Variants in CHRNA2 observed in about 807,000 individuals in gnomAD.
CHRNA2 encodes neuronal acetylcholine receptor subunit alpha-2.
In CHRNA2, 40 loss-of-function variants were observed where a neutral mutation model predicts 45.5. That is an observed-to-expected ratio of 0.88 (90% CI 0.68 to 1.15). CHRNA2 has a LOEUF of 1.15. Among genes scored for constraint, CHRNA2 ranks in the 50% most tolerant of loss-of-function variants. CHRNA2 has a pLI of 0.00. For missense variants in CHRNA2, 655 were observed against 701.7 expected (o/e 0.93, Z 0.75); for synonymous variants, 301 against 296.7 (o/e 1.01, Z -0.15).
Position 27,469,816 on chromosome 8 carries a change from G to T in CHRNA2, c.239C>A (p.Thr80Asn). The T allele has an allele frequency of 6.2e-7, 1 of 1,614,228 alleles. No individual in the cohort carries two copies. The highest frequency in any genetic ancestry group is 1.1e-5 in the South Asian group (1 of 91,088). Residue 80 changes from threonine (T) to asparagine (N), a missense_variant, in exon 3 of 7, where the codon ACT (threonine) becomes AAT (asparagine). Thr to Asn is a moderately conservative substitution (Grantham distance 65, BLOSUM62 0). Coordinates refer to ENST00000407991, the MANE Select transcript of CHRNA2 (RefSeq NM_000742.4). Reference protein sequence around the residue: ...YNRWARPVPNTSDVVIVRFGL... With the variant: ...YNRWARPVPNNSDVVIVRFGL... The stretch of plus-strand genomic sequence containing the variant: ...AAAGCGCACAATCACCACGTCTGAA[G>T]TGTTGGGCACCGGGCGCGCCCAGCG...
Position 27,464,205 on chromosome 8 carries a change from G to A in CHRNA2, c.450-212C>T, listed in dbSNP as rs112600206. ...AATTACTACCTTTTTAAATACAAAAGGAGGAATTGTGAGGAATAGAAGGAA... is the reference window on the plus strand; with the variant it reads ...AATTACTACCTTTTTAAATACAAAAAGAGGAATTGTGAGGAATAGAAGGAA... On this transcript the variant is annotated intron_variant, in intron 5 of 6. Coordinates refer to ENST00000407991, the MANE Select transcript of CHRNA2 (RefSeq NM_000742.4). Among the ~76,000 whole-genome samples, 339 of 152,100 alleles carry A rather than the reference G, an allele frequency of 2.2e-3. 1 individual carries two copies. The highest frequency in any genetic ancestry group is 7.5e-3 in the African/African-American group (313 of 41,476).
intron 1 of CHRNA2, among the ~76,000 whole-genome samples, chr8:27,472,551 G>A (rs1812921260): frequency 6.6e-6 from 1 of 152,120 alleles, no homozygotes; most frequent in Non-Finnish European, 1.5e-5. Flanking sequence ...AACAGTTTGT[G>A]GTTTTTCCTA....
chr8:27,473,229 G>A (rs1338754110), intron 1 of CHRNA2, among the ~76,000 whole-genome samples: 8 of 152,088 alleles, frequency 5.3e-5, no homozygotes, highest in Non-Finnish European at 1.2e-4. Context: ...AAAGGCTCTC[G>A]GTACAGCTAG....
intron 1 of CHRNA2, 29 bp from the exon 2 acceptor site, chr8:27,471,223 G>T: frequency 1.5e-6 from 1 of 661,502 alleles, no homozygotes; most frequent in East Asian, 2.8e-5. Flanking sequence ...GGGCTCTTAG[G>T]GTCATGCATC....
At position 27,463,149 on chromosome 8, in the gene CHRNA2, AG is replaced by A. The variant is rs751842443; in HGVS notation, c.1293del (p.Ser432LeufsTer58). 34 of 1,602,480 alleles carry A rather than the reference AG, an allele frequency of 2.1e-5. No individual in the cohort carries two copies. Among genetic ancestry groups the A allele is most frequent in the Non-Finnish European group, 2.6e-5 (30 of 1,171,094 alleles). On this transcript the variant is annotated frameshift_variant, in exon 6 of 7. Transcript: ENST00000407991. LOFTEE classifies it high-confidence loss of function. The surrounding 1 kb of genome is among the most constrained non-coding windows in gnomAD (Gnocchi z 6.1). ...DRWACAGHVA[P>X]SVGTLCSHGH... The stretch of plus-strand genomic sequence containing the variant: ...CCGTGGCTGCAGAGGGTGCCCACAG[AG>A]GGGGCCACATGACCTGCACATGCCC...
intron 2 of CHRNA2, among the ~76,000 whole-genome samples, chr8:27,470,358 T>A (rs1396459180): frequency 6.6e-6 from 1 of 152,112 alleles, no homozygotes; most frequent in Non-Finnish European, 1.5e-5. Context: ...GGCATTGCAG[T>A]AAGCCTGGCC....
At chr8:27,470,866 C>T (rs1030262738) in intron 2 of CHRNA2, 120 bp downstream of exon 2, 10 of 1,008,676 alleles carry the variant, frequency 9.9e-6, no homozygotes, top group African/African-American at 8.0e-5. Context: ...TGGCTGATGG[C>T]CTCTGAAGTC....
chr8:27,473,526 C>T lies in CHRNA2; in HGVS notation c.-136-2332G>A, dbSNP rs1304056665. On this transcript the variant is annotated intron_variant, in intron 1 of 6. Transcript: ENST00000407991. ...ACCAGCCTGGGCAACATAGTGAGAC[C>T]CCCCCCGCCGTCTCTACAAAAAATT... is the stretch of plus-strand genomic sequence containing the variant. Among the ~76,000 whole-genome samples, 9 of 116,026 alleles carry T rather than the reference C, an allele frequency of 7.8e-5. No individual in the cohort carries two copies. The East Asian group carries it at 1.9e-3, about 25-fold the overall frequency. The allele number at this position is 116,026 out of a possible 152,430, so 76.1% of individuals were successfully genotyped here.
chr8:27,470,151 G>A (rs938047641), intron 2 of CHRNA2, 170 bp from the exon 3 acceptor site: 3 of 703,872 alleles, frequency 4.3e-6, no homozygotes, highest in East Asian at 2.7e-5. Flanking sequence ...GCTCAGGAAA[G>A]GTCAGCTGTT....
intron 3 of CHRNA2, 102 bp from the exon 4 acceptor site, chr8:27,469,481 C>T: frequency 7.7e-7 from 1 of 1,298,514 alleles, no homozygotes; most frequent in South Asian, 1.3e-5. Flanking sequence ...GATAGGACAC[C>T]CCAAGCCCAG....
At chr8:27,470,942 A>G (rs947981612) in intron 2 of CHRNA2, 44 bp downstream of exon 2, 13 of 1,593,730 alleles carry the variant, frequency 8.2e-6, no homozygotes, top group Non-Finnish European at 1.0e-5. Flanking sequence ...GTGAGCCCAC[A>G]GGCATGAGAT....
rs1453727330 is a variant in CHRNA2, at chr8:27,463,190, T to A, written c.1253A>T (p.Glu418Val). 2 of 1,591,010 alleles carry A rather than the reference T, an allele frequency of 1.3e-6. No homozygotes were observed. The highest frequency in any genetic ancestry group is 2.2e-5 in the East Asian group (1 of 44,494). The change falls in exon 6 of 7, where the codon GAG becomes GTG. Residue 418 changes from glutamate (E) to valine (V), a missense_variant. Coordinates refer to ENST00000407991, the MANE Select transcript of CHRNA2 (RefSeq NM_000742.4). This position sits in a 1 kb window ranked among gnomAD's most constrained non-coding sequence, Gnocchi z 6.1. ...VDAEEREVVV[E>V]EEDRWACAGH... ...TGCACATGCCCATCTGTCCTCCTCC[T>A]CCACCACCACCTCCCTCTCCTCGGC...
At chr8:27,465,800 G>C (rs1174489882) in intron 5 of CHRNA2, among the ~76,000 whole-genome samples, 2 of 152,070 alleles carry the variant, frequency 1.3e-5, no homozygotes, top group Admixed American at 6.6e-5. Flanking sequence ...GTGCTCACTT[G>C]GGGGAAGGAA....
intron 4 of CHRNA2, among the ~76,000 whole-genome samples, chr8:27,468,634 A>G (rs1234530696): frequency 6.6e-6 from 1 of 152,188 alleles, no homozygotes; most frequent in Non-Finnish European, 1.5e-5. Context: ...CGAAGGGCCC[A>G]TCTGAGTCCA....
chr8:27,468,659 T>A (rs1381684044), intron 4 of CHRNA2, among the ~76,000 whole-genome samples: 3 of 152,240 alleles, frequency 2.0e-5, no homozygotes, highest in South Asian at 4.2e-4. Context: ...TCCAGAACCT[T>A]CCAGCACCTT....
intron 1 of CHRNA2, among the ~76,000 whole-genome samples, chr8:27,473,476 G>C (rs1326372687): frequency 1.3e-5 from 2 of 151,740 alleles, no homozygotes; most frequent in African/African-American, 4.8e-5. Context: ...AAGATGGAAG[G>C]AGTGTTTGAG....
At chr8:27,477,696 C>CA (rs76857608) in intron 1 of CHRNA2, among the ~76,000 whole-genome samples, 58 of 146,904 alleles carry the variant, frequency 3.9e-4, no homozygotes, top group South Asian at 2.4e-3. Flanking sequence ...AGGAAGATGT[C>CA]AAAAAAAAAA....
intron 1 of CHRNA2, among the ~76,000 whole-genome samples, chr8:27,474,059 G>A (rs992671329): frequency 3.3e-5 from 5 of 152,140 alleles, no homozygotes; most frequent in African/African-American, 7.2e-5. Flanking sequence ...GAGGAGTGAC[G>A]GGAGCAAACG....
chr8:27,462,068 G>A (rs376780005), intron 6 of CHRNA2, among the ~76,000 whole-genome samples: 43 of 152,212 alleles, frequency 2.8e-4, no homozygotes, highest in African/African-American at 9.4e-4. Context: ...CGACCACCCA[G>A]GGGCATGGGC....
Sources: gnomAD v4.1 joint callset for allele counts (sites outside exome capture counted in the v4.1 genomes callset) on GRCh38, gnomAD v4.1.1 for gene constraint, Gnocchi (gnomAD v3.1) non-coding constraint, MANE v1.5 for transcripts, NCBI Gene and HGNC (gene_info 2026-07-23, HGNC 2026-07-21) for gene names.